Variants in TRPC5 observed in about 807,000 individuals in gnomAD.
TRPC5 encodes the protein transient receptor potential cation channel subfamily C member 5.
In TRPC5, 9 loss-of-function variants were observed where a neutral mutation model predicts 56.5. The ratio of observed to expected loss-of-function variants is 0.16; its 90% confidence interval spans 0.10 to 0.28. The LOEUF (loss-of-function observed/expected upper bound fraction) is 0.28, where lower values mean the gene tolerates loss of function less well. Ranked by LOEUF, TRPC5 falls within the 10% of genes least tolerant of loss-of-function variation. The probability of loss-of-function intolerance (pLI) is 1.00; values close to 1 mark genes in which losing one functional copy is unlikely to be tolerated. For missense variants in TRPC5, 469 were observed against 748.9 expected (o/e 0.63, Z 4.36); for synonymous variants, 282 against 278.5 (o/e 1.01, Z -0.13).
intron 1 of TRPC5, among the ~76,000 whole-genome samples, chrX:112,015,567 G>C (rs1292665484): frequency 9.0e-6 from 1 of 111,242 alleles, no homozygotes; most frequent in Admixed American, 9.6e-5. Context: ...TGCTGGTTCA[G>C]GGATTACACT....
At position 111,918,962 on chromosome X, in the gene TRPC5, G is replaced by A. The variant is rs1473774579; in HGVS notation, c.379-6150C>T. Among the ~76,000 whole-genome samples, 5 of 110,814 alleles carry A rather than the reference G, an allele frequency of 4.5e-5. No individual in the cohort carries two copies. The East Asian group carries it at 1.1e-3, about 25-fold the overall frequency. On this transcript the variant is annotated intron_variant, in intron 2 of 10. Transcript: ENST00000262839. ...TGGGTGGGTGCTGAAGTTGTCCAGA[G>A]TGATGACACGTATTGGGCTGAAGAG...
intron 1 of TRPC5, among the ~76,000 whole-genome samples, chrX:112,076,415 G>C (rs1282109216): frequency 9.0e-6 from 1 of 111,517 alleles, no homozygotes; most frequent in Non-Finnish European, 1.9e-5. Context: ...GTAGCACCAT[G>C]GGCTGGGAAG....
chrX:111,841,796 C>T (rs1922741414), intron 6 of TRPC5, among the ~76,000 whole-genome samples: 1 of 109,313 alleles, frequency 9.1e-6, no homozygotes, highest in African/African-American at 3.3e-5. Context: ...CTGCAATCTC[C>T]ACTTCCCGGG....
chrX:111,811,541 GAGC>G (rs1383196821), intron 7 of TRPC5, among the ~76,000 whole-genome samples: 2 of 112,172 alleles, frequency 1.8e-5, no homozygotes, highest in Non-Finnish European at 3.8e-5. Flanking sequence ...TAGGAGGTAA[GAGC>G]AGTATGAAAT....
At position 111,901,646 on chromosome X, in the gene TRPC5, G is replaced by T. The variant is rs138876552; in HGVS notation, c.900+10645C>A. 3.9e-3 allele frequency: 1,283 copies of T among 328,516 alleles called. 12 individuals carry two copies. Among genetic ancestry groups the T allele is most frequent in the African/African-American group, 0.031 (1,147 of 37,123 alleles). The allele number at this position is 328,516 out of a possible 1,213,427, so 27.1% of individuals were successfully genotyped here. On this transcript the variant is annotated intron_variant, in intron 3 of 10. Transcript: ENST00000262839. The stretch of plus-strand genomic sequence containing the variant: ...AGTACCATACATAAATTCTGTGCGC[G>T]GTTTACCAACATCATCAAAAAGTTA...
At chrX:111,985,436 C>A (rs1262847778) in intron 1 of TRPC5, among the ~76,000 whole-genome samples, 1 of 111,872 alleles carries the variant, frequency 8.9e-6, no homozygotes, top group African/African-American at 3.3e-5. Flanking sequence ...GTCTTGTAGT[C>A]CCTCAAATAT....
chrX:111,886,970 C>T (rs1210492536), intron 3 of TRPC5, among the ~76,000 whole-genome samples: 1 of 112,831 alleles, frequency 8.9e-6, no homozygotes, highest in Admixed American at 9.3e-5. Flanking sequence ...GTATCTTGTT[C>T]TTCCCCTGCC....
chrX:112,043,644 G>GT (rs1200593708), intron 1 of TRPC5, among the ~76,000 whole-genome samples: 12 of 86,966 alleles, frequency 1.4e-4, no homozygotes, highest in Admixed American at 3.5e-4. Flanking sequence ...TTGAGAAGAG[G>GT]TAAAAAAAAA....
At chrX:111,792,034 A>G (rs895916519) in intron 7 of TRPC5, among the ~76,000 whole-genome samples, 1 of 112,373 alleles carries the variant, frequency 8.9e-6, no homozygotes, top group Non-Finnish European at 1.9e-5. Context: ...AGTATTTACA[A>G]TAGCAAAGAC....
intron 1 of TRPC5, among the ~76,000 whole-genome samples, chrX:111,992,789 G>T (rs1290646595): frequency 1.8e-5 from 2 of 109,332 alleles, no homozygotes; most frequent in Non-Finnish European, 3.8e-5. Flanking sequence ...TTTTAGTAGA[G>T]ACAGGGTTTC....
At chrX:112,046,544 C>T (rs1318922681) in intron 1 of TRPC5, among the ~76,000 whole-genome samples, 1 of 110,873 alleles carries the variant, frequency 9.0e-6, no homozygotes, top group African/African-American at 3.3e-5. Flanking sequence ...GTTTATGTGC[C>T]TATACAAAAT....
intron 3 of TRPC5, among the ~76,000 whole-genome samples, chrX:111,866,861 C>A (rs1923564664): frequency 1.8e-5 from 2 of 112,237 alleles, no homozygotes; most frequent in South Asian, 7.4e-4. Context: ...ATGCTTAACT[C>A]AAGGCAGAAT....
chrX:111,812,023 A>G (rs1363524975), intron 7 of TRPC5, among the ~76,000 whole-genome samples: 2 of 111,362 alleles, frequency 1.8e-5, no homozygotes, highest in African/African-American at 6.5e-5. Flanking sequence ...GGACATGTTC[A>G]AAAAGGGAGA....
chrX:111,911,986 G>T (rs1925833058), intron 3 of TRPC5, among the ~76,000 whole-genome samples: 1 of 112,101 alleles, frequency 8.9e-6, no homozygotes, highest in African/African-American at 3.2e-5. Flanking sequence ...CCACCAGCTT[G>T]TAAGCTCCAT....
rs1409531740 is a variant in TRPC5 at position 111,851,512 on chromosome X, T to G, written c.1377+786A>C. Among the ~76,000 whole-genome samples the G allele has an allele frequency of 8.7e-5, 7 of 80,385 alleles. No individual in the cohort carries two copies. The East Asian group carries it at 2.2e-3, about 26-fold the overall frequency. 69.8% of individuals were successfully genotyped at this position (80,385 alleles called of 115,157 possible). A position where few individuals can be genotyped will look rare whatever the true frequency, so the allele number is the denominator to read the frequency against. ...TTGTGTGGGAAAAGTATTAAGGTGG[T>G]GTGTGTGTGTGTGTGTGTGTGTGTG... On this transcript the variant is annotated intron_variant, in intron 5 of 10. Transcript: ENST00000262839.
Position 112,019,132 on chromosome X carries a change from A to G in TRPC5, c.-22+62747T>C, listed in dbSNP as rs753611343. Among the ~76,000 whole-genome samples, 4 of 112,428 alleles carry G rather than the reference A, an allele frequency of 3.6e-5. No homozygotes were observed. The South Asian group carries it at 1.5e-3, about 42-fold the overall frequency. On this transcript the variant is annotated intron_variant, in intron 1 of 10. Coordinates refer to ENST00000262839, the MANE Select transcript of TRPC5 (RefSeq NM_012471.3). ...CATCTGCAAATACCTTCATAGCAGT[A>G]TCTAGATTGGTGTTGGATTGAATAA...
At chrX:111,902,079 G>A (rs1444609171) in intron 3 of TRPC5, 1 of 1,154,781 alleles carries the variant, frequency 8.7e-7, no homozygotes, top group Admixed American at 2.6e-5. Flanking sequence ...CTTACACCAA[G>A]AGAGGATGAA....
At chrX:111,909,344 A>T (rs77198345) in intron 3 of TRPC5, among the ~76,000 whole-genome samples, 1,217 of 105,112 alleles carry the variant, frequency 0.012, 11 homozygotes, top group East Asian at 0.021. Flanking sequence ...ATAAATAAAT[A>T]AATAAATAAA....
intron 1 of TRPC5, among the ~76,000 whole-genome samples, chrX:112,051,613 A>G (rs1338166353): frequency 8.9e-6 from 1 of 112,491 alleles, no homozygotes; most frequent in Non-Finnish European, 1.9e-5. Flanking sequence ...CCAGAAAACT[A>G]TTTTTTAAAT....
Sources: gnomAD v4.1 joint callset for allele counts (sites outside exome capture counted in the v4.1 genomes callset) on GRCh38, gnomAD v4.1.1 for gene constraint, MANE v1.5 for transcripts, NCBI Gene and HGNC (gene_info 2026-07-23, HGNC 2026-07-21) for gene names.